The following CCBE1 variants were observed in gnomAD, a reference collection of about 807,000 sequenced individuals.
The protein encoded by CCBE1 is collagen and calcium-binding EGF domain-containing protein 1.
Under a neutral mutation model 50.0 loss-of-function variants are expected in CCBE1, and 37 were observed. The observed-to-expected ratio is 0.74, with a 90% CI of 0.57 to 0.97. The LOEUF (loss-of-function observed/expected upper bound fraction) is 0.97. Ranked by LOEUF, CCBE1 falls within the 50% of genes least tolerant of loss-of-function variation. CCBE1 has a pLI of 0.00. For missense variants in CCBE1, 538 were observed against 523.8 expected, an observed-to-expected ratio of 1.03 and a Z score of -0.26; for synonymous variants, 234 against 203.7, an observed-to-expected ratio of 1.15 and a Z score of -1.27.
intron 2 of CCBE1, among the ~76,000 whole-genome samples, chr18:59,694,148 G>T (rs1439678401): frequency 6.6e-6 from 1 of 152,056 alleles, no homozygotes; most frequent in Non-Finnish European, 1.5e-5. Context: ...GGGATTACAG[G>T]CATGAGCCAC....
chr18:59,616,169 C>A (rs2053634016), intron 2 of CCBE1, among the ~76,000 whole-genome samples: 1 of 152,112 alleles, frequency 6.6e-6, no homozygotes, highest in South Asian at 2.1e-4. Context: ...GCAGGGCAGC[C>A]CTGTCAAACC....
chr18:59,455,207 C>T, intron 5 of CCBE1: 1 of 568,772 alleles, frequency 1.8e-6, no homozygotes, highest in Non-Finnish European at 3.2e-6. Context: ...CAGGAAGACC[C>T]TGATCTTCCT....
intron 2 of CCBE1, among the ~76,000 whole-genome samples, chr18:59,519,284 C>A (rs1404328143): frequency 6.6e-6 from 1 of 152,136 alleles, no homozygotes; most frequent in African/African-American, 2.4e-5. Flanking sequence ...TCAAAACCAG[C>A]TTGGAGGTTC....
chr18:59,584,345 T>A (rs1334264526), intron 2 of CCBE1, among the ~76,000 whole-genome samples: 2 of 113,734 alleles, frequency 1.8e-5, no homozygotes, highest in African/African-American at 6.8e-5. Context: ...CTCTGGGGAC[T>A]GTTGTGGGGT....
chr18:59,487,619 C>T (rs980946698), intron 2 of CCBE1, among the ~76,000 whole-genome samples: 2 of 152,144 alleles, frequency 1.3e-5, no homozygotes, highest in African/African-American at 2.4e-5. Flanking sequence ...ACAAAATCCC[C>T]TCCACCCACC....
At chr18:59,436,198 G>A in intron 10 of CCBE1, 57 bp from the exon 11 acceptor site, 1 of 1,491,788 alleles carries the variant, frequency 6.7e-7, no homozygotes, top group Admixed American at 1.7e-5. Flanking sequence ...GGCCTCCGGG[G>A]CTCCATGACT....
intron 2 of CCBE1, among the ~76,000 whole-genome samples, chr18:59,547,437 A>T (rs750747209): frequency 2.6e-5 from 4 of 152,180 alleles, no homozygotes; most frequent in Non-Finnish European, 4.4e-5. Flanking sequence ...AGCAGTTGAC[A>T]TGTCCAGAAG....
intron 2 of CCBE1, among the ~76,000 whole-genome samples, chr18:59,488,238 G>A (rs1568166696): frequency 1.3e-5 from 2 of 152,192 alleles, no homozygotes; most frequent in Non-Finnish European, 2.9e-5. Flanking sequence ...TTCAGTTTGG[G>A]AAGATGAAAA....
At chr18:59,592,048 T>C (rs1310411935) in intron 2 of CCBE1, among the ~76,000 whole-genome samples, 1 of 152,188 alleles carries the variant, frequency 6.6e-6, no homozygotes, top group Admixed American at 6.5e-5. Context: ...CTTTGTTTCA[T>C]GCACAAAATT....
chr18:59,622,692 T>G (rs1195569453), intron 2 of CCBE1, among the ~76,000 whole-genome samples: 2 of 150,818 alleles, frequency 1.3e-5, no homozygotes, highest in Non-Finnish European at 2.9e-5. Flanking sequence ...TCCCAGCTAC[T>G]TAGGAAGCTG....
chr18:59,562,679 C>T lies in CCBE1; in HGVS notation c.213-82441G>A, dbSNP rs538176735. The stretch of plus-strand genomic sequence containing the variant: ...TGTTACCTGTTACTCCCTGGCCCAT[C>T]CTAGTTCTGGCTGGGGTCAAGACTA... On this transcript the variant is annotated intron_variant, in intron 2 of 10. Coordinates refer to ENST00000439986, the MANE Select transcript of CCBE1 (RefSeq NM_133459.4). Among the ~76,000 whole-genome samples the T allele has an allele frequency of 8.6e-4, 131 of 152,360 alleles. 1 individual carries two copies. Among genetic ancestry groups the T allele is most frequent in the Non-Finnish European group, 1.5e-3 (101 of 68,042 alleles).
chr18:59,649,738 T>C (rs2054102855), intron 2 of CCBE1, among the ~76,000 whole-genome samples: 1 of 152,184 alleles, frequency 6.6e-6, no homozygotes, highest in African/African-American at 2.4e-5. Context: ...CATTCCTGTC[T>C]CACAACACAA....
intron 2 of CCBE1, among the ~76,000 whole-genome samples, chr18:59,542,173 C>CAAAAA (rs55950963): frequency 0.26 from 34,985 of 133,990 alleles, 4,728 homozygotes; most frequent in Non-Finnish European, 0.32. Flanking sequence ...GATCCTGTCT[C>CAAAAA]AAAAAAAAAA....
intron 2 of CCBE1, among the ~76,000 whole-genome samples, chr18:59,658,897 A>C (rs56913242): frequency 2.5e-4 from 37 of 148,012 alleles, no homozygotes; most frequent in African/African-American, 8.4e-4. Flanking sequence ...AAAAAAAAAA[A>C]AAAAAAAAAC....
At chr18:59,627,565 A>G (rs547333348) in intron 2 of CCBE1, among the ~76,000 whole-genome samples, 34 of 152,292 alleles carry the variant, frequency 2.2e-4, no homozygotes, top group African/African-American at 8.2e-4. Context: ...ACTGGCTTAG[A>G]GCGGGACCTA....
chr18:59,648,714 A>G lies in CCBE1; in HGVS notation c.212+47915T>C, dbSNP rs141468706. Among the ~76,000 whole-genome samples, 763 of 152,156 alleles carry G rather than the reference A, an allele frequency of 5.0e-3. 9 individuals carry two copies. The highest frequency in any genetic ancestry group is 0.017 in the African/African-American group (720 of 41,502). The stretch of plus-strand genomic sequence containing the variant: ...AAGACCCTGTCTCAAAAGAACGAAA[A>G]AGACACAGGTATCAGCAGCTGGAAC... On this transcript the variant is annotated intron_variant, in intron 2 of 10. Coordinates refer to ENST00000439986, the MANE Select transcript of CCBE1 (RefSeq NM_133459.4).
chr18:59,657,919 C>T lies in CCBE1; in HGVS notation c.212+38710G>A, dbSNP rs2054213162. 3.3e-5 allele frequency among the ~76,000 whole-genome samples: 5 copies of T among 151,910 alleles called. No individual in the cohort carries two copies. In the South Asian group the frequency reaches 1.0e-3, roughly 32 times the overall value. On this transcript the variant is annotated intron_variant, in intron 2 of 10. Transcript: ENST00000439986. Reference sequence around the variant, plus strand: ...ACAACAACAACAACAGAAACAGATACATTAAAGGCTCTTGATAACTTGGTT... The same window carrying T: ...ACAACAACAACAACAGAAACAGATATATTAAAGGCTCTTGATAACTTGGTT...
Position 59,579,399 on chromosome 18 carries a change from TAAAAA to T in CCBE1, c.213-99166_213-99162del, listed in dbSNP as rs111786909. ...ACCACTAGAATCACATGGGGATCTT[TAAAAA>T]AAAAAAAAAAGATTCCTACGTCCCA... On this transcript the variant is annotated intron_variant, in intron 2 of 10. Transcript: ENST00000439986. Among the ~76,000 whole-genome samples the T allele has an allele frequency of 6.4e-5, 9 of 141,046 alleles. No individual in the cohort carries two copies. The South Asian group carries it at 1.2e-3, about 18-fold the overall frequency. 92.5% of individuals were successfully genotyped at this position (141,046 alleles called of 152,430 possible). A position where few individuals can be genotyped will look rare whatever the true frequency, so the allele number is the denominator to read the frequency against.
chr18:59,476,829 A>C (rs1455303692), intron 3 of CCBE1, among the ~76,000 whole-genome samples: 1 of 152,164 alleles, frequency 6.6e-6, no homozygotes, highest in African/African-American at 2.4e-5. Context: ...CACCAGGAGG[A>C]TATATATTCT....
Sources: allele counts gnomAD v4.1 joint callset (sites outside exome capture counted in the v4.1 genomes callset), GRCh38; gene constraint gnomAD v4.1.1; transcripts MANE v1.5; gene names NCBI Gene and HGNC (gene_info 2026-07-23, HGNC 2026-07-21).